The following SDS variants were observed in gnomAD, a reference collection of about 807,000 sequenced individuals.
SDS encodes L-serine dehydratase/L-threonine deaminase.
In SDS, 19 loss-of-function variants were observed where a neutral mutation model predicts 29.3. The ratio of observed to expected loss-of-function variants is 0.65; its 90% CI spans 0.45 to 0.95. SDS has a LOEUF of 0.95. Among genes scored for constraint, SDS ranks in the 40% least tolerant of loss-of-function variants. SDS has a pLI of 0.00. For missense variants in SDS, 375 were observed against 439.9 expected (o/e 0.85, Z 1.32); for synonymous variants, 176 against 189.0 (o/e 0.93, Z 0.56).
intron 5 of SDS, among the ~76,000 whole-genome samples, 168 bp downstream of exon 5, chr12:113,398,347 A>G (rs537956239): frequency 1.3e-5 from 2 of 152,350 alleles, no homozygotes; most frequent in African/African-American, 4.8e-5. Flanking sequence ...CTGGGATTAC[A>G]GGCGTGAGCC....
chr12:113,402,181 G>A lies in SDS; in HGVS notation c.-3+1587C>T, dbSNP rs981836384. ...GAACTTGAACAGACACCCTCTCTCC[G>A]CTGGATCTCTCGAATAAAAATCAGA... On this transcript the variant is annotated intron_variant, in intron 1 of 7. Coordinates refer to ENST00000257549, the MANE Select transcript of SDS (RefSeq NM_006843.3). Among the ~76,000 whole-genome samples, 15 of 152,246 alleles carry A rather than the reference G, an allele frequency of 9.9e-5. 1 individual carries two copies. The Middle Eastern group carries it at 0.01, about 104-fold the overall frequency.
chr12:113,399,501 T>C, intron 2 of SDS, 55 bp downstream of exon 2: 2 of 1,477,536 alleles, frequency 1.4e-6, no homozygotes, highest in Admixed American at 4.7e-5. Context: ...CCCTGCCCTG[T>C]TGAGGAAGGA....
chr12:113,400,120 C>T (rs955025545), intron 1 of SDS, among the ~76,000 whole-genome samples: 3 of 152,162 alleles, frequency 2.0e-5, no homozygotes, highest in Non-Finnish European at 2.9e-5. Flanking sequence ...GGTGAAACCC[C>T]GTCTCTACTA....
At chr12:113,396,859 G>C in intron 6 of SDS, 2 of 462,198 alleles carry the variant, frequency 4.3e-6, no homozygotes, top group Admixed American at 6.8e-5. Context: ...GGCTGGTCTT[G>C]AACTCCTGGC....
At chr12:113,393,807 A>T (rs183433736) in intron 7 of SDS, 85 bp downstream of exon 7, 1 of 1,569,816 alleles carries the variant, frequency 6.4e-7, no homozygotes, top group East Asian at 2.2e-5. Flanking sequence ...ACTTGGGGTG[A>T]GTGGGATCCC....
At chr12:113,395,127 AG>A (rs1048711061) in intron 6 of SDS, among the ~76,000 whole-genome samples, 10 of 152,204 alleles carry the variant, frequency 6.6e-5, no homozygotes, top group African/African-American at 2.4e-4. Context: ...GGAGTGCTGG[AG>A]CTGGGGCTGC....
chr12:113,398,190 T>C (rs3794315), intron 5 of SDS, among the ~76,000 whole-genome samples: 12,334 of 151,808 alleles, frequency 0.081, 859 homozygotes, highest in African/African-American at 0.18. Flanking sequence ...CCTGCCTTAG[T>C]CTCCCTAGGA....
Position 113,396,486 on chromosome 12 carries a change from T to TCTCTTTC in SDS, c.653+678_653+679insGAAAGAG, listed in dbSNP as rs1555207519. Reference sequence around the variant, plus strand: ...TTCTCCTTTTTTCTTTCTTTCTCTCTCTTTCTTTCCTCTTCCTTTCTCCTT... The same window carrying TCTCTTTC: ...TTCTCCTTTTTTCTTTCTTTCTCTCTCTCTTTCCTTTCTTTCCTCTTCCTTTCTCCTT... On this transcript the variant is annotated intron_variant, in intron 6 of 7. Transcript: ENST00000257549. 2.4e-5 allele frequency among the ~76,000 whole-genome samples: 3 copies of TCTCTTTC among 126,584 alleles called. 1 individual carries two copies. The highest frequency in any genetic ancestry group is 1.6e-5 in the Non-Finnish European group (1 of 63,036). The allele number at this position is 126,584 out of a possible 152,430, so 83.0% of individuals were successfully genotyped here. A position where few individuals can be genotyped will look rare whatever the true frequency, so the allele number is the denominator to read the frequency against.
rs537122705 is a variant in SDS, at chr12:113,392,675, G to A, written c.*266C>T. 6 of 462,536 alleles carry A rather than the reference G, an allele frequency of 1.3e-5. No homozygotes were observed. The highest frequency in any genetic ancestry group is 6.0e-5 in the African/African-American group (3 of 50,236). 28.7% of individuals were successfully genotyped at this position (462,536 alleles called of 1,614,324 possible). ...CTGTCCACCCTGCTCTGGGTACCTG[G>A]TGTGTTACTTGTGGGCACTTGTCAC... On this transcript the variant is annotated 3_prime_UTR_variant, in exon 8 of 8. Coordinates refer to ENST00000257549, the MANE Select transcript of SDS (RefSeq NM_006843.3).
chr12:113,399,299 C>A, intron 2 of SDS, 148 bp from the exon 3 acceptor site: 1 of 912,578 alleles, frequency 1.1e-6, no homozygotes. Context: ...GAGACTGCAC[C>A]TCCCATCTCC....
rs1449695027 is a variant in SDS, at chr12:113,392,933, G to C, written c.*8C>G. On this transcript the variant is annotated 3_prime_UTR_variant, in exon 8 of 8. Transcript: ENST00000257549. ...CTAGGAGAGCACAGATCGGTAAGGGGTCCGTCCTCACTTGGGCAACCTATT... is the reference window on the plus strand; with the variant it reads ...CTAGGAGAGCACAGATCGGTAAGGGCTCCGTCCTCACTTGGGCAACCTATT... 1 of 1,613,294 alleles carries C rather than the reference G, an allele frequency of 6.2e-7. No homozygotes were observed. The highest frequency in any genetic ancestry group is 1.1e-5 in the South Asian group (1 of 91,036).
At chr12:113,397,691 C>A (rs748554218) in intron 5 of SDS, among the ~76,000 whole-genome samples, 1 of 152,200 alleles carries the variant, frequency 6.6e-6, no homozygotes, top group Non-Finnish European at 1.5e-5. Context: ...AACTGCTGTG[C>A]GCCTTCTGCA....
rs367947643 is a variant in SDS at position 113,399,685 on chromosome 12, G to A, written c.24C>T (p.His8=). Residue 8 remains histidine, a synonymous_variant, in exon 2 of 8, where the codon CAC becomes CAT. Coordinates refer to ENST00000257549, the MANE Select transcript of SDS (RefSeq NM_006843.3). MMSGEPL[H]VKTPIRDSMA... ...TGCTGTCACGGATGGGGGTCTTCAC[G>A]TGCAGGGGTTCTCCAGACATCATTC... The A allele has an allele frequency of 1.3e-5, 20 of 1,594,462 alleles. No individual in the cohort carries two copies. Among genetic ancestry groups the A allele is most frequent in the East Asian group, 4.5e-5 (2 of 44,368 alleles).
intron 5 of SDS, 32 bp from the exon 6 acceptor site, chr12:113,397,424 G>T (rs1329896950): frequency 6.4e-7 from 1 of 1,556,920 alleles, no homozygotes; most frequent in Non-Finnish European, 8.8e-7. Flanking sequence ...TGGCAGGTCA[G>T]GGCTAGGCTT....
chr12:113,397,590 G>A (rs1255275683), intron 5 of SDS, among the ~76,000 whole-genome samples, 198 bp from the exon 6 acceptor site: 3 of 152,134 alleles, frequency 2.0e-5, no homozygotes, highest in East Asian at 1.9e-4. Flanking sequence ...TGCAAACAGA[G>A]TCAGGAGATG....
intron 6 of SDS, among the ~76,000 whole-genome samples, chr12:113,395,765 T>A (rs1162431600): frequency 6.6e-6 from 1 of 152,196 alleles, no homozygotes; most frequent in Admixed American, 6.5e-5. Context: ...CTCATTTAAG[T>A]CACTGTTATT....
rs1442306359 is a variant in SDS, at chr12:113,395,814, T to G, written c.653+1351A>C. On this transcript the variant is annotated intron_variant, in intron 6 of 7. Coordinates refer to ENST00000257549, the MANE Select transcript of SDS (RefSeq NM_006843.3). Reference sequence around the variant, plus strand: ...TAATGGGGTCAAAACCTAATCCTAATTAAATACTATCTACCAGCCGGGTGC... The same window carrying G: ...TAATGGGGTCAAAACCTAATCCTAAGTAAATACTATCTACCAGCCGGGTGC... Among the ~76,000 whole-genome samples, 5 of 152,142 alleles carry G rather than the reference T, an allele frequency of 3.3e-5. No homozygotes were observed. In the East Asian group the frequency reaches 9.6e-4, roughly 29 times the overall value.
intron 1 of SDS, among the ~76,000 whole-genome samples, chr12:113,403,429 C>G (rs1451099982): frequency 1.3e-5 from 2 of 152,070 alleles, no homozygotes; most frequent in African/African-American, 2.4e-5. Context: ...GAGGCTGAGG[C>G]AGGAGAATCG....
chr12:113,399,363 G>T, intron 2 of SDS, 193 bp downstream of exon 2: 1 of 848,446 alleles, frequency 1.2e-6, no homozygotes. Context: ...ATGGCTCTGG[G>T]ATCAGTCCCA....
Sources: allele counts gnomAD v4.1 joint callset (sites outside exome capture counted in the v4.1 genomes callset), GRCh38; gene constraint gnomAD v4.1.1; transcripts MANE v1.5; gene names NCBI Gene and HGNC (gene_info 2026-07-23, HGNC 2026-07-21).